The following NPAS3 variants were observed in gnomAD, a reference collection of about 807,000 sequenced individuals.
NPAS3 encodes the protein neuronal PAS domain-containing protein 3.
In NPAS3, 14 loss-of-function variants were observed where a neutral mutation model predicts 73.1. The ratio of observed to expected loss-of-function variants is 0.19; its 90% CI spans 0.13 to 0.30. NPAS3 has a LOEUF of 0.30. Ranked by LOEUF, NPAS3 falls within the 10% of genes least tolerant of loss-of-function variation. The probability of loss-of-function intolerance (pLI) is 1.00; values close to 1 mark genes in which losing one functional copy is unlikely to be tolerated. For missense variants in NPAS3, 1,096 were observed against 1,250.0 expected, an observed-to-expected ratio of 0.88 and a Z score of 1.86; for synonymous variants, 620 against 541.5, an observed-to-expected ratio of 1.14 and a Z score of -2.01.
At chr14:33,646,447 C>A (rs1648623047) in intron 5 of NPAS3, among the ~76,000 whole-genome samples, 1 of 152,088 alleles carries the variant, frequency 6.6e-6, no homozygotes, top group African/African-American at 2.4e-5. Context: ...GCGTAGATGA[C>A]TGGTCAATCA....
intron 5 of NPAS3, among the ~76,000 whole-genome samples, chr14:33,638,987 C>T (rs1423001047): frequency 1.3e-5 from 2 of 152,186 alleles, no homozygotes; most frequent in Non-Finnish European, 2.9e-5. Context: ...GGCACCGCAC[C>T]ATTTAACCTT....
intron 2 of NPAS3, among the ~76,000 whole-genome samples, chr14:33,180,070 G>T (rs1566646001): frequency 6.6e-6 from 1 of 152,102 alleles, no homozygotes; most frequent in Non-Finnish European, 1.5e-5. Flanking sequence ...TTTTTTCTCA[G>T]CATCAGAAAT....
At position 33,007,933 on chromosome 14, in the gene NPAS3, G is replaced by A. The variant is rs1019746076; in HGVS notation, c.51-47972G>A. ...CCTGTTGGCCAAGGTTGCCAACTCC[G>A]GTTCTAGTGTGAGGATAGAGCTCTA... On this transcript the variant is annotated intron_variant, in intron 1 of 11. Coordinates refer to ENST00000356141, the Ensembl canonical transcript of NPAS3. Among the ~76,000 whole-genome samples the A allele has an allele frequency of 8.5e-5, 13 of 152,264 alleles. No individual in the cohort carries two copies. The East Asian group carries it at 9.7e-4, about 11-fold the overall frequency.
intron 3 of NPAS3, among the ~76,000 whole-genome samples, chr14:33,236,066 C>T (rs765481981): frequency 5.9e-5 from 9 of 151,914 alleles, no homozygotes; most frequent in Non-Finnish European, 1.3e-4. Context: ...TCTTAATCAG[C>T]AGGTTCTGTA....
intron 4 of NPAS3, among the ~76,000 whole-genome samples, chr14:33,471,073 C>G (rs1028738257): frequency 6.6e-6 from 1 of 152,164 alleles, no homozygotes; most frequent in Non-Finnish European, 1.5e-5. Flanking sequence ...GTCTCTTTCA[C>G]GAGAGCTCTG....
chr14:32,992,336 T>A (rs2038367623), intron 1 of NPAS3, among the ~76,000 whole-genome samples: 1 of 152,230 alleles, frequency 6.6e-6, no homozygotes, highest in Non-Finnish European at 1.5e-5. Context: ...GCCATTCTGT[T>A]TTCTTAAGAT....
At chr14:33,250,740 A>G (rs1221428791) in intron 3 of NPAS3, among the ~76,000 whole-genome samples, 2 of 151,742 alleles carry the variant, frequency 1.3e-5, no homozygotes, top group Non-Finnish European at 2.9e-5. Context: ...ACGGTTGCTC[A>G]TTTTTCAGCC....
At chr14:33,051,056 C>T (rs940283580) in intron 1 of NPAS3, among the ~76,000 whole-genome samples, 2 of 151,608 alleles carry the variant, frequency 1.3e-5, no homozygotes, top group East Asian at 1.9e-4. Flanking sequence ...GGGTGGATCA[C>T]GAGGTCAGGA....
intron 1 of NPAS3, among the ~76,000 whole-genome samples, chr14:32,964,160 TAAAAAAAAAAA>T (rs34380538): frequency 2.7e-5 from 2 of 75,442 alleles, no homozygotes; most frequent in Admixed American, 1.8e-4. Context: ...TTTGCTGCAC[TAAAAAAAAAAA>T]AAAAAAAAAA....
chr14:33,459,662 C>T (rs965102736), intron 4 of NPAS3, among the ~76,000 whole-genome samples: 2 of 152,138 alleles, frequency 1.3e-5, no homozygotes, highest in Non-Finnish European at 2.9e-5. Context: ...AAATGATATA[C>T]AAAAGTTGAT....
intron 3 of NPAS3, among the ~76,000 whole-genome samples, chr14:33,269,100 G>A (rs947347250): frequency 1.1e-4 from 16 of 152,030 alleles, no homozygotes; most frequent in East Asian, 3.8e-4. Flanking sequence ...ATACATAGTC[G>A]CCTAGGAAAC....
chr14:33,735,253 C>T (rs375251895), exon 7 of NPAS3: 4 of 1,613,686 alleles, frequency 2.5e-6, no homozygotes, highest in Non-Finnish European at 3.4e-6. Context: ...ACTGACAACA[C>T]TCTTGAGCGT....
intron 2 of NPAS3, among the ~76,000 whole-genome samples, chr14:33,166,808 C>A (rs1020308433): frequency 6.6e-6 from 1 of 152,108 alleles, no homozygotes; most frequent in African/African-American, 2.4e-5. Context: ...GAAATCATTT[C>A]ACTAATTTTA....
chr14:33,800,402 G>C lies in NPAS3; in HGVS notation c.2095G>C (p.Gly699Arg). Residue 699 changes from glycine to arginine, a missense_variant, in exon 12 of 12, where the codon GGT becomes CGT. Transcript: ENST00000356141. This position sits in a 1 kb window ranked among gnomAD's most constrained non-coding sequence, Gnocchi z 6.5. ...CTTCCCGTCCCCGCAGGGCGGCGGC[G>C]GTGGGGGTGGCGGTGGCGGGGGGCT... is the stretch of plus-strand genomic sequence containing the variant. The C allele has an allele frequency of 6.2e-7, 1 of 1,603,376 alleles. No homozygotes were observed. Among genetic ancestry groups the C allele is most frequent in the Admixed American group, 1.7e-5 (1 of 58,474 alleles).
At chr14:33,771,594 G>A (rs550610445) in intron 7 of NPAS3, among the ~76,000 whole-genome samples, 10 of 152,196 alleles carry the variant, frequency 6.6e-5, no homozygotes, top group East Asian at 1.9e-4. Flanking sequence ...GGAGGATCAC[G>A]AGATCAGGAG....
At chr14:33,282,419 G>A (rs796147678) in intron 3 of NPAS3, among the ~76,000 whole-genome samples, 12 of 152,318 alleles carry the variant, frequency 7.9e-5, no homozygotes, top group African/African-American at 2.9e-4. Context: ...TGACAGCACT[G>A]TACTAGGATG....
intron 2 of NPAS3, among the ~76,000 whole-genome samples, chr14:33,126,020 C>T (rs1010544632): frequency 2.0e-5 from 3 of 152,228 alleles, no homozygotes; most frequent in African/African-American, 7.2e-5. Flanking sequence ...CAAGAAGAGC[C>T]GCCATTTAGC....
Position 32,950,595 on chromosome 14 carries a change from T to TA in NPAS3, c.50+11230dup, listed in dbSNP as rs552765954. 1.3e-3 allele frequency among the ~76,000 whole-genome samples: 191 copies of TA among 152,216 alleles called. 1 individual carries two copies. Among genetic ancestry groups the TA allele is most frequent in the African/African-American group, 4.2e-3 (175 of 41,552 alleles). Reference sequence around the variant, plus strand: ...ATTTCAGCATCCATTTCAGATGTGATACAACTACTAGCAAGGTACAACAAT... The same window carrying TA: ...ATTTCAGCATCCATTTCAGATGTGATAACAACTACTAGCAAGGTACAACAAT... On this transcript the variant is annotated intron_variant, in intron 1 of 11. Coordinates refer to ENST00000356141, the Ensembl canonical transcript of NPAS3.
At chr14:33,411,905 T>C (rs542939283) in intron 4 of NPAS3, among the ~76,000 whole-genome samples, 9 of 152,154 alleles carry the variant, frequency 5.9e-5, no homozygotes, top group Non-Finnish European at 5.9e-5. Flanking sequence ...GTGTTTAGCC[T>C]TGTCTGGTAC....
Sources: gnomAD v4.1 joint callset for allele counts (sites outside exome capture counted in the v4.1 genomes callset) on GRCh38, gnomAD v4.1.1 for gene constraint, Gnocchi (gnomAD v3.1) non-coding constraint, MANE v1.5 for transcripts, NCBI Gene and HGNC (gene_info 2026-07-23, HGNC 2026-07-21) for gene names.